The following DDO variants were observed in gnomAD, a reference collection of about 807,000 sequenced individuals.
DDO encodes the protein D-aspartate oxidase.
A neutral mutation model predicts 16.8 loss-of-function variants in DDO; 16 were observed. That is an observed-to-expected ratio of 0.95 (90% CI 0.65 to 1.45). The LOEUF (loss-of-function observed/expected upper bound fraction) is 1.45. Among genes scored for constraint, DDO ranks in the 40% most tolerant of loss-of-function variants. DDO has a pLI of 0.00. For missense variants in DDO, 429 were observed against 420.3 expected (o/e 1.02, Z -0.18); for synonymous variants, 180 against 167.2 (o/e 1.08, Z -0.59).
intron 3 of DDO, among the ~76,000 whole-genome samples, chr6:110,406,195 C>G (rs1773650020): frequency 1.3e-5 from 2 of 152,170 alleles, no homozygotes; most frequent in South Asian, 4.1e-4. Flanking sequence ...TCCATTCTCT[C>G]TCTTGAGCTC....
chr6:110,401,942 A>G (rs1319201853), intron 4 of DDO, among the ~76,000 whole-genome samples: 1 of 152,254 alleles, frequency 6.6e-6, no homozygotes, highest in Non-Finnish European at 1.5e-5. Context: ...GGATAAACTG[A>G]TATCATCTTC....
In DDO at chr6:110,398,426, ACTT is replaced by A. The variant is rs72218495; in HGVS notation, c.459-5087_459-5085del. Among the ~76,000 whole-genome samples the A allele has an allele frequency of 1.2e-3, 166 of 142,028 alleles. 1 individual carries two copies. Among genetic ancestry groups the A allele is most frequent in the African/African-American group, 3.9e-3 (138 of 34,952 alleles). The allele number at this position is 142,028 out of a possible 152,430, so 93.2% of individuals were successfully genotyped here. On this transcript the variant is annotated intron_variant, in intron 4 of 4. Coordinates refer to ENST00000368924, the MANE Select transcript of DDO (RefSeq NM_001372108.2). ...CACACACACACACACACACACACAC[ACTT>A]GGCCTCCCAGGAGCAGAGTCCCCTC...
intron 4 of DDO, among the ~76,000 whole-genome samples, chr6:110,400,285 G>A (rs75051013): frequency 0.011 from 1,708 of 149,996 alleles, 18 homozygotes; most frequent in Non-Finnish European, 0.017. Flanking sequence ...GGGGCTGCCC[G>A]GAGCTAAAAC....
At chr6:110,413,153 A>C (rs534555253) in intron 2 of DDO, 138 bp downstream of exon 2, 1 of 1,015,100 alleles carries the variant, frequency 9.9e-7, no homozygotes, top group South Asian at 1.8e-5. Context: ...AAAAAAAGAG[A>C]AAAAGAGGAA....
rs569227460 is a variant in DDO at position 110,411,415 on chromosome 6, T to C, written c.172+1876A>G. ...CCTCCCACAATTTGGAGATGACAGA[T>C]ACTCAGATACTATTCAGGGAGAAAG... On this transcript the variant is annotated intron_variant, in intron 2 of 4. Transcript: ENST00000368924. 1.4e-3 allele frequency among the ~76,000 whole-genome samples: 220 copies of C among 152,246 alleles called. 1 individual carries two copies. Among genetic ancestry groups the C allele is most frequent in the African/African-American group, 5.1e-3 (213 of 41,552 alleles).
chr6:110,404,582 G>A (rs1773584186), intron 4 of DDO, among the ~76,000 whole-genome samples, 192 bp downstream of exon 4: 1 of 152,200 alleles, frequency 6.6e-6, no homozygotes, highest in South Asian at 2.1e-4. Context: ...GAAGCATGGT[G>A]TGACTTAGTC....
In DDO at chr6:110,408,431, G is replaced by T. The variant is rs779565141; in HGVS notation, c.184C>A (p.His62Asn). ...TCTCTGAACCACTGCTTCTGCGTGTGAATGGGTGTATCTGTAATCATGGAG... is the reference window on the plus strand; with the variant it reads ...TCTCTGAACCACTGCTTCTGCGTGTTAATGGGTGTATCTGTAATCATGGAG... ...IPHTYPDTPIHTQKQWFRETF... is the reference protein window; with the variant it reads ...IPHTYPDTPINTQKQWFRETF... Residue 62 changes from histidine (H) to asparagine (N), a missense_variant, in exon 3 of 5, where the codon CAC becomes AAC. Transcript: ENST00000368924. The T allele has an allele frequency of 6.2e-7, 1 of 1,614,116 alleles. No individual in the cohort carries two copies. The highest frequency in any genetic ancestry group is 8.5e-7 in the Non-Finnish European group (1 of 1,180,004).
At position 110,393,429 on chromosome 6, in the gene DDO, A is replaced by C; in HGVS notation, c.459-87T>G. On this transcript the variant is annotated intron_variant, in intron 4 of 4. Transcript: ENST00000368924. Reference sequence around the variant, plus strand: ...ATAAAGAAAAGGAACCCAGGAACAAAAATTAGGTGATGATCTGATGAACAA... The same window carrying C: ...ATAAAGAAAAGGAACCCAGGAACAACAATTAGGTGATGATCTGATGAACAA... The C allele has an allele frequency of 3.4e-6, 5 of 1,482,002 alleles. No individual in the cohort carries two copies. The South Asian group carries it at 7.1e-5, about 21-fold the overall frequency. The allele number at this position is 1,482,002 out of a possible 1,614,324, so 91.8% of individuals were successfully genotyped here.
chr6:110,399,299 G>A (rs916061502), intron 4 of DDO, among the ~76,000 whole-genome samples: 10 of 152,234 alleles, frequency 6.6e-5, no homozygotes, highest in Admixed American at 1.3e-4. Flanking sequence ...CAGAAGAATC[G>A]TGCTTAAGCT....
intron 4 of DDO, among the ~76,000 whole-genome samples, chr6:110,394,821 G>T (rs1773238366): frequency 6.6e-6 from 1 of 152,208 alleles, no homozygotes; most frequent in Non-Finnish European, 1.5e-5. Context: ...CTGTCTCACA[G>T]GATGGTTGTG....
intron 1 of DDO, among the ~76,000 whole-genome samples, chr6:110,413,806 C>T (rs1413595829): frequency 6.6e-6 from 1 of 152,046 alleles, no homozygotes; most frequent in Non-Finnish European, 1.5e-5. Context: ...GGGGGTCTTG[C>T]TCTGTTGCCC....
rs144649963 is a variant in DDO, at chr6:110,392,919, A to G, written c.882T>C (p.Asp294=). 8.2e-5 allele frequency: 133 copies of G among 1,614,230 alleles called. No homozygotes were observed. In the Middle Eastern group the frequency reaches 1.5e-3, roughly 18 times the overall value. Residue 294 remains aspartate, a synonymous_variant, in exon 5 of 5, where the codon GAT becomes GAC. Transcript: ENST00000368924. ...VRLQTELLAR[D]GQRLPVVHHY... is the part of the protein sequence containing the mutation. ...GGTGGACTACAGGCAGCCTCTGTCC[A>G]TCTCGCGCAAGGAGCTCTGTCTGCA...
intron 2 of DDO, among the ~76,000 whole-genome samples, chr6:110,411,682 G>A (rs1773862618): frequency 6.6e-6 from 1 of 152,138 alleles, no homozygotes; most frequent in Non-Finnish European, 1.5e-5. Flanking sequence ...AAGAATTGGA[G>A]GACCAGTCTG....
chr6:110,414,673 A>C (rs1445062164), intron 1 of DDO, among the ~76,000 whole-genome samples: 1 of 152,234 alleles, frequency 6.6e-6, no homozygotes, highest in Admixed American at 6.5e-5. Flanking sequence ...AACTCCAGAG[A>C]GAGAAAATGC....
rs931502965 is a variant in DDO at position 110,415,378 on chromosome 6, C to T, written c.-5+89G>A. 15 of 1,554,270 alleles carry T rather than the reference C, an allele frequency of 9.7e-6. No individual in the cohort carries two copies. In the African/African-American group the frequency reaches 1.8e-4, roughly 18 times the overall value. ...TGTCCTGGCACAGTGGCCTGTCCATCACTGTCCCCTGACCCTATTCAGACA... is the reference window on the plus strand; with the variant it reads ...TGTCCTGGCACAGTGGCCTGTCCATTACTGTCCCCTGACCCTATTCAGACA... On this transcript the variant is annotated intron_variant, in intron 1 of 4. Coordinates refer to ENST00000368924, the MANE Select transcript of DDO (RefSeq NM_001372108.2).
downstream of DDO, chr6:110,388,691 T>C (rs139297766): frequency 8.7e-4 from 485 of 554,966 alleles, 1 homozygote; most frequent in African/African-American, 9.4e-3. Context: ...ACGCTGGCAA[T>C]GACAGGGCTC....
intron 1 of DDO, among the ~76,000 whole-genome samples, chr6:110,414,947 C>A (rs1407171568): frequency 6.6e-6 from 1 of 152,088 alleles, no homozygotes; most frequent in African/African-American, 2.4e-5. Context: ...GTGGCCTCTG[C>A]TTTCTCTTCC....
chr6:110,406,271 A>G (rs1479282969), intron 3 of DDO, among the ~76,000 whole-genome samples: 2 of 152,116 alleles, frequency 1.3e-5, no homozygotes, highest in East Asian at 3.9e-4. Context: ...AGTCTCATGC[A>G]TTTACACACA....
At chr6:110,388,815 A>G (rs964080), downstream of DDO, 136,517 of 980,814 alleles carry the variant, frequency 0.14, 9,966 homozygotes, top group Non-Finnish European at 0.15. Context: ...TCATGTTCAG[A>G]AAAAAATAAA....
Sources: gnomAD v4.1 joint callset for allele counts (sites outside exome capture counted in the v4.1 genomes callset) on GRCh38, gnomAD v4.1.1 for gene constraint, MANE v1.5 for transcripts, NCBI Gene and HGNC (gene_info 2026-07-23, HGNC 2026-07-21) for gene names.